Variants in BCAS1 observed in about 807,000 individuals in gnomAD.
The protein encoded by BCAS1 is breast carcinoma-amplified sequence 1.
BCAS1 carries 46 observed loss-of-function variants against 65.4 expected under a neutral mutation model. That is an observed-to-expected ratio of 0.70 (90% CI 0.55 to 0.90). The LOEUF is 0.90. Ranked by LOEUF, BCAS1 falls within the 40% of genes least tolerant of loss-of-function variation. The pLI, the probability that BCAS1 is intolerant of heterozygous loss-of-function variation, is 0.00. For synonymous variants in BCAS1, 298 were observed against 293.5 expected, an observed-to-expected ratio of 1.02 and a Z score of -0.16; for missense variants, 793 against 771.2, an observed-to-expected ratio of 1.03 and a Z score of -0.33.
At chr20:54,029,285 A>G (rs760348548) in intron 3 of BCAS1, 12 of 957,160 alleles carry the variant, frequency 1.3e-5, no homozygotes, top group Non-Finnish European at 1.2e-5. Flanking sequence ...TGAGCAGCAT[A>G]TTGTCATGAT....
chr20:53,975,534 C>T (rs1392902206), intron 8 of BCAS1, 104 bp from the exon 9 acceptor site: 2 of 760,836 alleles, frequency 2.6e-6, no homozygotes, highest in Middle Eastern at 2.5e-4. Context: ...GGGGTGCGTT[C>T]GGGGACACTG....
intron 3 of BCAS1, among the ~76,000 whole-genome samples, chr20:54,052,729 G>A (rs368636337): frequency 7.3e-4 from 111 of 152,210 alleles, no homozygotes; most frequent in African/African-American, 2.5e-3. Context: ...TAGAGAACAG[G>A]GCCCTCACCA....
chr20:53,985,212 A>C, intron 8 of BCAS1, 75 bp downstream of exon 8: 1 of 1,397,030 alleles, frequency 7.2e-7, no homozygotes, highest in Non-Finnish European at 1.0e-6. Flanking sequence ...TGAGTACAAC[A>C]GTTAGCCCAA....
chr20:54,016,352 A>T (rs2091438188), intron 4 of BCAS1, among the ~76,000 whole-genome samples: 2 of 152,238 alleles, frequency 1.3e-5, no homozygotes, highest in African/African-American at 4.8e-5. Context: ...ATAGATGTAC[A>T]TAATTTTGGG....
rs146966182 is a variant in BCAS1, at chr20:53,980,112, A to G, written c.1276-4682T>C. 7.1e-3 allele frequency among the ~76,000 whole-genome samples: 1,083 copies of G among 152,326 alleles called. 10 individuals are homozygous for G. Among genetic ancestry groups the G allele is most frequent in the South Asian group, 0.042 (201 of 4,820 alleles). Reference sequence around the variant, plus strand: ...ATCTTGATGACCCAAGTACCATAACATAGTGTTATGTTGACCTTTGAAAAC... The same window carrying G: ...ATCTTGATGACCCAAGTACCATAACGTAGTGTTATGTTGACCTTTGAAAAC... On this transcript the variant is annotated intron_variant, in intron 8 of 12. Coordinates refer to ENST00000688948, the MANE Select transcript of BCAS1 (RefSeq NM_001366298.2).
intron 4 of BCAS1, among the ~76,000 whole-genome samples, chr20:54,027,069 A>G (rs569032835): frequency 6.6e-6 from 1 of 152,208 alleles, no homozygotes; most frequent in African/African-American, 2.4e-5. Context: ...AATTATACGG[A>G]AAGTTATTCA....
At chr20:54,054,885 C>CAT (rs544284765) in intron 3 of BCAS1, among the ~76,000 whole-genome samples, 4 of 152,160 alleles carry the variant, frequency 2.6e-5, no homozygotes, top group African/African-American at 7.2e-5. Flanking sequence ...ATGAAATATG[C>CAT]ATATATATAT....
chr20:53,953,984 C>T (rs2089614791), intron 11 of BCAS1, among the ~76,000 whole-genome samples: 1 of 152,130 alleles, frequency 6.6e-6, no homozygotes, highest in Non-Finnish European at 1.5e-5. Context: ...GGGGAAACAC[C>T]CTTCTTCCTC....
chr20:53,948,968 T>C (rs555389323), intron 12 of BCAS1, among the ~76,000 whole-genome samples: 46 of 152,206 alleles, frequency 3.0e-4, no homozygotes, highest in Middle Eastern at 3.4e-3. Flanking sequence ...CCCACACCAG[T>C]GTGGACAGAT....
intron 9 of BCAS1, among the ~76,000 whole-genome samples, chr20:53,974,663 C>G (rs2090277759): frequency 6.6e-6 from 1 of 152,216 alleles, no homozygotes; most frequent in South Asian, 2.1e-4. Context: ...CTTATCCCTA[C>G]TTATAAAAAT....
intron 10 of BCAS1, among the ~76,000 whole-genome samples, chr20:53,960,162 T>C (rs977635973): frequency 2.6e-5 from 4 of 152,182 alleles, no homozygotes; most frequent in Non-Finnish European, 4.4e-5. Context: ...AAAAACCGAA[T>C]GGACATGAAG....
At chr20:54,018,727 G>A (rs997111795) in intron 4 of BCAS1, among the ~76,000 whole-genome samples, 1 of 152,188 alleles carries the variant, frequency 6.6e-6, no homozygotes, top group African/African-American at 2.4e-5. Context: ...TTCAAATTCT[G>A]ATAAGTGCTA....
At chr20:53,983,292 A>G (rs1439120726) in intron 8 of BCAS1, among the ~76,000 whole-genome samples, 1 of 152,236 alleles carries the variant, frequency 6.6e-6, no homozygotes, top group Admixed American at 6.5e-5. Flanking sequence ...GAGAGGTAAC[A>G]CTGTTCAGTG....
intron 3 of BCAS1, among the ~76,000 whole-genome samples, chr20:54,031,872 A>T (rs374358217): frequency 7.3e-5 from 11 of 151,312 alleles, no homozygotes; most frequent in African/African-American, 2.7e-4. Flanking sequence ...GGGGTGTCTG[A>T]AAGAGATGGA....
At chr20:53,980,449 T>C (rs1467371811) in intron 8 of BCAS1, among the ~76,000 whole-genome samples, 1 of 152,200 alleles carries the variant, frequency 6.6e-6, no homozygotes, top group African/African-American at 2.4e-5. Flanking sequence ...AAAAAAATAG[T>C]AATGCTAATA....
intron 1 of BCAS1, 21 bp from the exon 2 acceptor site, chr20:54,058,744 G>A: frequency 1.2e-6 from 2 of 1,605,732 alleles, no homozygotes; most frequent in South Asian, 1.1e-5. Flanking sequence ...GAGAAAGAGA[G>A]GAAGAGAGAA....
intron 8 of BCAS1, among the ~76,000 whole-genome samples, chr20:53,975,760 G>C (rs953806224): frequency 6.6e-6 from 1 of 152,080 alleles, no homozygotes; most frequent in Non-Finnish European, 1.5e-5. Context: ...TTTTTTAGTA[G>C]TTGATGAAAA....
intron 3 of BCAS1, among the ~76,000 whole-genome samples, chr20:54,044,371 A>C (rs1483175301): frequency 2.0e-5 from 3 of 152,194 alleles, no homozygotes; most frequent in African/African-American, 7.2e-5. Context: ...CCATCCAAAG[A>C]GGCAAAGAGA....
chr20:54,010,082 T>C (rs1362046370), intron 4 of BCAS1, among the ~76,000 whole-genome samples: 1 of 152,150 alleles, frequency 6.6e-6, no homozygotes, highest in Non-Finnish European at 1.5e-5. Flanking sequence ...TTCCTCAACT[T>C]GATAAAGACG....
Sources: gnomAD v4.1 joint callset for allele counts (sites outside exome capture counted in the v4.1 genomes callset) on GRCh38, gnomAD v4.1.1 for gene constraint, MANE v1.5 for transcripts, NCBI Gene and HGNC (gene_info 2026-07-23, HGNC 2026-07-21) for gene names.